Variants in LRIT3 observed in about 807,000 individuals in gnomAD.
LRIT3 encodes the protein leucine-rich repeat, immunoglobulin-like domain and transmembrane domain-containing protein 3.
LRIT3 carries 14 observed loss-of-function variants against 22.6 expected under a neutral mutation model. That is an observed-to-expected ratio of 0.62 (90% CI 0.41 to 0.97). The LOEUF (loss-of-function observed/expected upper bound fraction) is 0.97, where lower values mean the gene tolerates loss of function less well. Among genes scored for constraint, LRIT3 ranks in the 50% least tolerant of loss-of-function variants. The probability of loss-of-function intolerance (pLI) is 0.00; values close to 1 mark genes in which losing one functional copy is unlikely to be tolerated. For synonymous variants in LRIT3, 306 were observed against 304.5 expected, an observed-to-expected ratio of 1.01 and a Z score of -0.05; for missense variants, 783 against 803.0, an observed-to-expected ratio of 0.98 and a Z score of 0.30.
chr4:109,862,057 G>A (rs754669722), intron 2 of LRIT3, among the ~76,000 whole-genome samples: 23 of 152,114 alleles, frequency 1.5e-4, no homozygotes, highest in African/African-American at 5.6e-4. Flanking sequence ...TTAAAAAGAC[G>A]TTCCTTTCCC....
chr4:109,850,392 T>G (rs979344092), intron 1 of LRIT3, among the ~76,000 whole-genome samples: 2 of 618 alleles, frequency 3.2e-3, no homozygotes, highest in Non-Finnish European at 0.01. Flanking sequence ...CCTTCCTTCC[T>G]TCCTTCCTTC....
chr4:109,869,351 A>G (rs12502156), intron 3 of LRIT3, among the ~76,000 whole-genome samples: 2,086 of 152,302 alleles, frequency 0.014, 163 homozygotes, highest in Admixed American at 0.12. Context: ...ATCTACAACC[A>G]AACACTGTTT....
intron 2 of LRIT3, among the ~76,000 whole-genome samples, chr4:109,852,324 G>T (rs1734294099): frequency 6.6e-6 from 1 of 152,126 alleles, no homozygotes; most frequent in Admixed American, 6.5e-5. Flanking sequence ...CCATACTCTG[G>T]TACAAAGTTC....
At chr4:109,850,402 C>CT (rs1560588814) in intron 1 of LRIT3, among the ~76,000 whole-genome samples, 1 of 766 alleles carries the variant, frequency 1.3e-3, no homozygotes, top group African/African-American at 1.9e-3. Context: ...TTCCTTCCTT[C>CT]CTTCCTTCCT....
chr4:109,867,508 G>A (rs1371907352), intron 2 of LRIT3, 133 bp from the exon 3 acceptor site: 1 of 743,062 alleles, frequency 1.3e-6, no homozygotes, highest in African/African-American at 1.8e-5. Flanking sequence ...TGACATAAAG[G>A]TGACTCTGCT....
intron 2 of LRIT3, among the ~76,000 whole-genome samples, chr4:109,864,227 G>A (rs1316349550): frequency 6.6e-6 from 1 of 151,982 alleles, no homozygotes; most frequent in Non-Finnish European, 1.5e-5. Flanking sequence ...ACTATATTAA[G>A]GTGGGTGTTT....
In LRIT3 at chr4:109,848,130, C is replaced by A; in HGVS notation, c.-72C>A. 1 of 695,496 alleles carries A rather than the reference C, an allele frequency of 1.4e-6. No homozygotes were observed. The highest frequency in any genetic ancestry group is 2.0e-6 in the Non-Finnish European group (1 of 498,388). 43.1% of individuals were successfully genotyped at this position (695,496 alleles called of 1,614,324 possible). A position where few individuals can be genotyped will look rare whatever the true frequency, so the allele number is the denominator to read the frequency against. ...CTGTTACTAAATGGCTGTTTGTATTCCAGGCATACCAGGTTCTGAATGCTT... is the reference window on the plus strand; with the variant it reads ...CTGTTACTAAATGGCTGTTTGTATTACAGGCATACCAGGTTCTGAATGCTT... On this transcript the variant is annotated 5_prime_UTR_variant, in exon 1 of 4. Coordinates refer to ENST00000594814, the MANE Select transcript of LRIT3 (RefSeq NM_198506.5).
At chr4:109,861,184 T>A (rs1734536351) in intron 2 of LRIT3, among the ~76,000 whole-genome samples, 1 of 151,976 alleles carries the variant, frequency 6.6e-6, no homozygotes, top group Non-Finnish European at 1.5e-5. Flanking sequence ...GCCTGGTCAA[T>A]GTGGCGAAAC....
At chr4:109,855,002 T>C (rs1734365620) in intron 2 of LRIT3, among the ~76,000 whole-genome samples, 1 of 152,200 alleles carries the variant, frequency 6.6e-6, no homozygotes, top group Admixed American at 6.5e-5. Flanking sequence ...TTCATGTCAA[T>C]GTTCATCAGG....
Position 109,851,894 on chromosome 4 carries a change from A to G in LRIT3, c.507A>G (p.Pro169=). The G allele has an allele frequency of 6.4e-7, 1 of 1,551,582 alleles. No individual in the cohort carries two copies. ...CAAGCAACAGACTCACCACATTGCCACCAGATTTCCTGGAGAGCTGGACTC... is the reference window on the plus strand; with the variant it reads ...CAAGCAACAGACTCACCACATTGCCGCCAGATTTCCTGGAGAGCTGGACTC... ...DLSSNRLTTL[P]PDFLESWTHL... is the part of the protein sequence containing the mutation. The change falls in exon 2 of 4, where the codon CCA becomes CCG. Residue 169 remains proline, a synonymous_variant. Coordinates refer to ENST00000594814, the MANE Select transcript of LRIT3 (RefSeq NM_198506.5).
rs1579385137 is a variant in LRIT3, at chr4:109,872,295, G to A, written c.*1506G>A. The A allele has an allele frequency of 6.6e-6, 1 of 152,232 alleles. No homozygotes were observed. Among genetic ancestry groups the A allele is most frequent in the African/African-American group, 2.4e-5 (1 of 41,458 alleles). The allele number at this position is 152,232 out of a possible 1,614,324, so 9.4% of individuals were successfully genotyped here. On this transcript the variant is annotated 3_prime_UTR_variant, in exon 4 of 4. Coordinates refer to ENST00000594814, the MANE Select transcript of LRIT3 (RefSeq NM_198506.5). Reference sequence around the variant, plus strand: ...TTTCTGTCTTGTAAGAGCACTGCTGGAATAAACTACTTGAGCATTAGATGG... The same window carrying A: ...TTTCTGTCTTGTAAGAGCACTGCTGAAATAAACTACTTGAGCATTAGATGG...
chr4:109,849,892 C>A (rs1026608947), intron 1 of LRIT3, among the ~76,000 whole-genome samples: 6 of 152,196 alleles, frequency 3.9e-5, no homozygotes, highest in African/African-American at 1.4e-4. Context: ...GGATTACAGG[C>A]GTGAGCCACC....
Position 109,870,843 on chromosome 4 carries a change from T to G in LRIT3, c.*54T>G. On this transcript the variant is annotated 3_prime_UTR_variant, in exon 4 of 4. Coordinates refer to ENST00000594814, the MANE Select transcript of LRIT3 (RefSeq NM_198506.5). ...ACAAAACTAGCATCTAAGGGTATAA[T>G]TGACCCTAGGTTTGGATGACTTTTG... The G allele has an allele frequency of 6.6e-7, 1 of 1,507,176 alleles. No individual in the cohort carries two copies. Among genetic ancestry groups the G allele is most frequent in the Non-Finnish European group, 8.9e-7 (1 of 1,126,932 alleles). The allele number at this position is 1,507,176 out of a possible 1,614,324, so 93.4% of individuals were successfully genotyped here.
chr4:109,857,947 T>C (rs979348036), intron 2 of LRIT3, among the ~76,000 whole-genome samples: 7 of 149,088 alleles, frequency 4.7e-5, no homozygotes, highest in Non-Finnish European at 5.9e-5. Flanking sequence ...TGATACCAAG[T>C]GTCCTAAAGG....
intron 2 of LRIT3, among the ~76,000 whole-genome samples, chr4:109,859,422 A>T (rs141285542): frequency 0.014 from 2,131 of 152,322 alleles, 26 homozygotes; most frequent in Non-Finnish European, 0.024. Context: ...TTTCTAACAG[A>T]GCCTTAAAAC....
chr4:109,850,537 C>T (rs566242753), intron 1 of LRIT3, among the ~76,000 whole-genome samples: 6 of 149,688 alleles, frequency 4.0e-5, no homozygotes, highest in South Asian at 2.1e-4. Flanking sequence ...AGTGCAGTGG[C>T]GTGATCTTGG....
At chr4:109,865,213 CA>C (rs1392999812) in intron 2 of LRIT3, 2 of 1,504,652 alleles carry the variant, frequency 1.3e-6, no homozygotes, top group Non-Finnish European at 1.8e-6. Context: ...AAGGTTGCAT[CA>C]CCCAGGTCAC....
chr4:109,859,709 A>G (rs1190232352), intron 2 of LRIT3, among the ~76,000 whole-genome samples: 2 of 152,168 alleles, frequency 1.3e-5, no homozygotes, highest in South Asian at 2.1e-4. Flanking sequence ...TCCCAGAGCT[A>G]TGAACATCTG....
chr4:109,855,960 C>T (rs1656391659), intron 2 of LRIT3, among the ~76,000 whole-genome samples: 1 of 152,096 alleles, frequency 6.6e-6, no homozygotes, highest in South Asian at 2.1e-4. Context: ...AAGATGAGGG[C>T]GTTTATAGCC....
Sources: gnomAD v4.1 joint callset for allele counts (sites outside exome capture counted in the v4.1 genomes callset) on GRCh38, gnomAD v4.1.1 for gene constraint, MANE v1.5 for transcripts, NCBI Gene and HGNC (gene_info 2026-07-23, HGNC 2026-07-21) for gene names.